DIP2C: variants seen among roughly 807,000 people sequenced by gnomAD.
The protein encoded by DIP2C is DIP2 acetate--CoA ligase C (putative).
A neutral mutation model predicts 192.4 loss-of-function variants in DIP2C; 33 were observed. The observed-to-expected ratio is 0.17, with a 90% CI of 0.13 to 0.23. The LOEUF (loss-of-function observed/expected upper bound fraction) is 0.23, where lower values mean the gene tolerates loss of function less well. Ranked by LOEUF, DIP2C falls within the 10% of genes least tolerant of loss-of-function variation. The probability of loss-of-function intolerance (pLI) is 1.00; values close to 1 mark genes in which losing one functional copy is unlikely to be tolerated. For synonymous variants in DIP2C, 979 were observed against 864.1 expected, an observed-to-expected ratio of 1.13 and a Z score of -2.33; for missense variants, 1,537 against 2,110.1, an observed-to-expected ratio of 0.73 and a Z score of 5.32.
intron 36 of DIP2C, 82 bp from the exon 37 acceptor site, chr10:277,659 T>G (rs1266464801): frequency 6.5e-7 from 1 of 1,549,904 alleles, no homozygotes; most frequent in East Asian, 2.4e-5. Context: ...TCCACTTGGC[T>G]CTCTCTGACC....
At chr10:658,404 G>A (rs1215810294) in intron 1 of DIP2C, among the ~76,000 whole-genome samples, 1 of 152,022 alleles carries the variant, frequency 6.6e-6, no homozygotes, top group Non-Finnish European at 1.5e-5. Flanking sequence ...TGGACCTGCC[G>A]CTGGGTCTGC....
intron 1 of DIP2C, among the ~76,000 whole-genome samples, chr10:561,490 A>G (rs759612878): frequency 2.6e-5 from 4 of 152,220 alleles, no homozygotes; most frequent in Non-Finnish European, 5.9e-5. Context: ...CGTGATCAAC[A>G]TCACAGAATG....
chr10:522,185 G>A (rs1200889686), intron 1 of DIP2C, among the ~76,000 whole-genome samples: 3 of 152,158 alleles, frequency 2.0e-5, no homozygotes, highest in Non-Finnish European at 4.4e-5. Flanking sequence ...CAGACAGCAG[G>A]CAGCCTTCCC....
At chr10:665,547 G>A (rs549327220) in intron 1 of DIP2C, 3 of 152,202 alleles carry the variant, frequency 2.0e-5, no homozygotes, top group South Asian at 2.1e-4. Context: ...TTTCCAAAAG[G>A]AAAGCACACA....
intron 1 of DIP2C, among the ~76,000 whole-genome samples, chr10:684,297 T>A (rs1378212165): frequency 6.6e-6 from 1 of 152,196 alleles, no homozygotes; most frequent in Non-Finnish European, 1.5e-5. Context: ...GGTAGCCATC[T>A]CATTCAGGAT....
chr10:334,931 A>C (rs1412466517), intron 29 of DIP2C, among the ~76,000 whole-genome samples: 3 of 152,186 alleles, frequency 2.0e-5, no homozygotes, highest in Non-Finnish European at 4.4e-5. Flanking sequence ...CTTTATATTT[A>C]CTTCAGGATA....
intron 1 of DIP2C, among the ~76,000 whole-genome samples, chr10:681,845 C>T (rs1236838822): frequency 6.6e-6 from 1 of 152,246 alleles, no homozygotes; most frequent in Non-Finnish European, 1.5e-5. Context: ...GCTCAGGGCC[C>T]AGGGCTAAGG....
chr10:526,560 A>G (rs952816445), intron 1 of DIP2C, among the ~76,000 whole-genome samples: 55 of 152,076 alleles, frequency 3.6e-4, no homozygotes, highest in African/African-American at 1.2e-3. Context: ...CGTGGCATTT[A>G]ATAAAAAATT....
chr10:560,544 C>CT lies in DIP2C; in HGVS notation c.86-74015dup, dbSNP rs552980508. Among the ~76,000 whole-genome samples the CT allele has an allele frequency of 3.2e-4, 49 of 152,298 alleles. No homozygotes were observed. The South Asian group carries it at 3.9e-3, about 12-fold the overall frequency. ...CCAAGTCCATTGTTTTGATAGGCCT[C>CT]TTGATTCTCAGGCTGGTTTCAAAGT... On this transcript the variant is annotated intron_variant, in intron 1 of 36. Transcript: ENST00000280886.
intron 32 of DIP2C, among the ~76,000 whole-genome samples, chr10:292,880 G>A (rs137968778): frequency 1.4e-3 from 209 of 152,314 alleles, no homozygotes; most frequent in African/African-American, 4.5e-3. Flanking sequence ...ATGCAAAGGC[G>A]GATGAGCACA....
At chr10:663,175 G>A (rs1336427046) in intron 1 of DIP2C, 14 of 413,724 alleles carry the variant, frequency 3.4e-5, no homozygotes, top group Non-Finnish European at 5.1e-5. Flanking sequence ...TATGTCCAGT[G>A]TAAATAAACT....
chr10:341,069 G>T, intron 29 of DIP2C, 130 bp downstream of exon 29: 1 of 1,315,550 alleles, frequency 7.6e-7, no homozygotes. Context: ...AGGGACACGG[G>T]TAAGCCCCAG....
intron 1 of DIP2C, among the ~76,000 whole-genome samples, chr10:488,208 C>T (rs186336939): frequency 2.0e-5 from 3 of 152,224 alleles, no homozygotes; most frequent in East Asian, 1.9e-4. Context: ...TTCCATGCCC[C>T]GCATTTTCCC....
chr10:536,846 ATCT>A (rs1847722768), intron 1 of DIP2C, among the ~76,000 whole-genome samples: 1 of 152,232 alleles, frequency 6.6e-6, no homozygotes, highest in Non-Finnish European at 1.5e-5. Flanking sequence ...ATCTGAAACC[ATCT>A]TCTTGACCCC....
chr10:533,994 C>A (rs1394297373), intron 1 of DIP2C, among the ~76,000 whole-genome samples: 2 of 113,780 alleles, frequency 1.8e-5, no homozygotes, highest in Non-Finnish European at 3.6e-5. Flanking sequence ...TAGGGTTTGA[C>A]ATGCTTTAAA....
rs556330820 is a variant in DIP2C, at chr10:437,266, C to T, written c.394+3605G>A. Among the ~76,000 whole-genome samples the T allele has an allele frequency of 1.8e-4, 27 of 148,200 alleles. 1 individual carries two copies. The highest frequency in any genetic ancestry group is 2.3e-4 in the Non-Finnish European group (15 of 66,018). On this transcript the variant is annotated intron_variant, in intron 4 of 36. Transcript: ENST00000280886. ...CCACACCTGAGGTCTCTCTGAGCTC[C>T]GCCTCCTGGACATGGTAGGGTGATA...
At chr10:309,529 CACCTGCCACTGCTGTCCTGCA>C (rs1370979666) in intron 32 of DIP2C, among the ~76,000 whole-genome samples, 1 of 151,842 alleles carries the variant, frequency 6.6e-6, no homozygotes, top group Non-Finnish European at 1.5e-5. Context: ...CCTGCTATCA[CACCTGCCACTGCTGTCCTGCA>C]ACAGAGTTTC....
At position 277,485 on chromosome 10, in the gene DIP2C, T is replaced by G; in HGVS notation, c.4511A>C (p.Asn1504Thr). The stretch of plus-strand genomic sequence containing the variant: ...CAGGTAGTGCTCCTCCAGGACCACG[T>G]TGGTCACCAAGGGAACCAGGTCCAA... Reference protein sequence around the residue: ...EALDLVPLVTNVVLEEHYLIV... With the variant: ...EALDLVPLVTTVVLEEHYLIV... Residue 1504 changes from asparagine to threonine, a missense_variant, in exon 37 of 37, where the codon AAC (asparagine) becomes ACC (threonine). Physicochemically the swap from Asn to Thr is moderately conservative, Grantham distance 65. Coordinates refer to ENST00000280886, the MANE Select transcript of DIP2C (RefSeq NM_014974.3). 6.2e-7 allele frequency: 1 copy of G among 1,614,206 alleles called. No homozygotes were observed. Among genetic ancestry groups the G allele is most frequent in the Non-Finnish European group, 8.5e-7 (1 of 1,180,030 alleles).
intron 1 of DIP2C, among the ~76,000 whole-genome samples, chr10:600,950 GCT>G (rs1469764000): frequency 1.3e-5 from 2 of 152,142 alleles, no homozygotes; most frequent in African/African-American, 4.8e-5. Context: ...CCCAGGTGTG[GCT>G]CTGTGGTGTC....
Sources: allele counts gnomAD v4.1 joint callset (sites outside exome capture counted in the v4.1 genomes callset), GRCh38; gene constraint gnomAD v4.1.1; transcripts MANE v1.5; gene names NCBI Gene and HGNC (gene_info 2026-07-23, HGNC 2026-07-21).